The following DLGAP2 variants were observed in gnomAD, a reference collection of about 807,000 sequenced individuals.
DLGAP2 encodes DLG associated protein 2, also known as disks large-associated protein 2.
In DLGAP2, 26 loss-of-function variants were observed where a neutral mutation model predicts 100.3. The ratio of observed to expected loss-of-function variants is 0.26; its 90% CI spans 0.19 to 0.36. DLGAP2 has a LOEUF of 0.36. Among genes scored for constraint, DLGAP2 ranks in the 10% least tolerant of loss-of-function variants. The pLI is 1.00. For synonymous variants in DLGAP2, 886 were observed against 630.1 expected (o/e 1.41, Z -6.08); for missense variants, 1,858 against 1,453.2 (o/e 1.28, Z -4.53).
Position 1,378,189 on chromosome 8 carries a change from ATCCTGTGCACACCTGACCTCACCTGTGTG to A in DLGAP2, c.106+119312_106+119340del, listed in dbSNP as rs1267483116. ...TGCGCACACCTGACCTCACCTGTCC[ATCCTGTGCACACCTGACCTCACCTGTGTG>A]TCCTGCACACACCTGACCTCACCTG... On this transcript the variant is annotated intron_variant, in intron 3 of 14. Coordinates refer to ENST00000637795, the MANE Select transcript of DLGAP2 (RefSeq NM_001346810.2). The A allele has an allele frequency of 4.1e-3, 698 of 168,918 alleles. 7 individuals are homozygous for A. The highest frequency in any genetic ancestry group is 0.017 in the African/African-American group (661 of 39,768). 10.5% of individuals were successfully genotyped at this position (168,918 alleles called of 1,614,324 possible).
Position 1,668,406 on chromosome 8 carries a change from A to T in DLGAP2, c.1888A>T (p.Thr630Ser), listed in dbSNP as rs377576966. Residue 630 changes from threonine to serine, a missense_variant, in exon 9 of 15, where the codon ACG becomes TCG. Physicochemically the swap from Thr to Ser is moderately conservative, Grantham distance 58. Coordinates refer to ENST00000637795, the MANE Select transcript of DLGAP2 (RefSeq NM_001346810.2). Reference sequence around the variant, plus strand: ...CACCTCCAAGCCTCTGATCTCGGTGACGGCGCAGAGCAGCACCGAATCCAC... The same window carrying T: ...CACCTCCAAGCCTCTGATCTCGGTGTCGGCGCAGAGCAGCACCGAATCCAC... ...RTTSKPLISVTAQSSTESTQD... is the reference protein window; with the variant it reads ...RTTSKPLISVSAQSSTESTQD... 522 of 1,600,918 alleles carry T rather than the reference A, an allele frequency of 3.3e-4. 1 individual carries two copies. The highest frequency in any genetic ancestry group is 1.2e-3 in the Middle Eastern group (7 of 6,024).
At chr8:1,003,499 T>C (rs1465569379) in intron 2 of DLGAP2, among the ~76,000 whole-genome samples, 1 of 152,234 alleles carries the variant, frequency 6.6e-6, no homozygotes, top group Non-Finnish European at 1.5e-5. Flanking sequence ...TAACAATCCA[T>C]TGGTTTTGGT....
intron 6 of DLGAP2, chr8:1,620,346 C>T (rs920657355): frequency 6.6e-6 from 1 of 152,256 alleles, no homozygotes; most frequent in African/African-American, 2.4e-5. Flanking sequence ...CACTTTCCTC[C>T]TGGATTCCCT....
chr8:1,227,153 G>GATAGATAT (rs796173465), intron 2 of DLGAP2, among the ~76,000 whole-genome samples: 11 of 89,704 alleles, frequency 1.2e-4, no homozygotes, highest in East Asian at 8.7e-4. Flanking sequence ...GAAACTGTGA[G>GATAGATAT]ATATATATAT....
chr8:1,523,095 C>T (rs543145737), intron 4 of DLGAP2, among the ~76,000 whole-genome samples: 6 of 152,170 alleles, frequency 3.9e-5, no homozygotes, highest in Non-Finnish European at 8.8e-5. Context: ...ACTGCCCGTG[C>T]GGCATCTCCT....
chr8:1,039,212 G>C (rs527539061), intron 2 of DLGAP2, among the ~76,000 whole-genome samples: 1 of 150,000 alleles, frequency 6.7e-6, no homozygotes, highest in South Asian at 2.1e-4. Context: ...CTCGGTGTGC[G>C]TGGTCAGCTC....
At position 1,706,989 on chromosome 8, in the gene DLGAP2, A is replaced by G. The variant is rs908044566; in HGVS notation, c.*5583A>G. 1.3e-5 allele frequency: 2 copies of G among 152,674 alleles called. No homozygotes were observed. The highest frequency in any genetic ancestry group is 4.8e-5 in the African/African-American group (2 of 41,466). The allele number at this position is 152,674 out of a possible 1,614,324, so 9.5% of individuals were successfully genotyped here. A position where few individuals can be genotyped will look rare whatever the true frequency, so the allele number is the denominator to read the frequency against. On this transcript the variant is annotated 3_prime_UTR_variant, in exon 15 of 15. Coordinates refer to ENST00000637795, the MANE Select transcript of DLGAP2 (RefSeq NM_001346810.2). ...TGTCCTAACCCTGGCGTTTTTATCC[A>G]GTGTTAAAATAAATTATTTCAAGTT...
At chr8:1,058,466 T>G (rs1284956981) in intron 2 of DLGAP2, among the ~76,000 whole-genome samples, 1 of 152,204 alleles carries the variant, frequency 6.6e-6, no homozygotes, top group Non-Finnish European at 1.5e-5. Context: ...AAGGGTGGCT[T>G]CTAATACCTG....
intron 1 of DLGAP2, among the ~76,000 whole-genome samples, chr8:749,188 G>A (rs1269872387): frequency 6.6e-6 from 1 of 152,148 alleles, no homozygotes; most frequent in African/African-American, 2.4e-5. Context: ...CTGGGGTTTG[G>A]CTATATTGCC....
intron 3 of DLGAP2, among the ~76,000 whole-genome samples, chr8:1,479,372 C>G (rs866322948): frequency 6.6e-6 from 1 of 152,194 alleles, no homozygotes; most frequent in Non-Finnish European, 1.5e-5. Flanking sequence ...CGAAAGTGAC[C>G]TCTGTTTGTT....
At chr8:1,144,575 C>T (rs1052354827) in intron 2 of DLGAP2, among the ~76,000 whole-genome samples, 2 of 152,334 alleles carry the variant, frequency 1.3e-5, no homozygotes, top group Admixed American at 6.5e-5. Flanking sequence ...AGGAAATAAA[C>T]GCTCTTTCCA....
intron 2 of DLGAP2, among the ~76,000 whole-genome samples, chr8:966,232 C>T (rs11994406): frequency 0.016 from 2,503 of 152,258 alleles, 76 homozygotes; most frequent in African/African-American, 0.058. Flanking sequence ...TTCCAGGCAG[C>T]GTTTTCCCAG....
intron 2 of DLGAP2, among the ~76,000 whole-genome samples, chr8:1,118,676 C>G (rs1169298870): frequency 6.6e-6 from 1 of 152,134 alleles, no homozygotes; most frequent in African/African-American, 2.4e-5. Flanking sequence ...TTAGAGCAAC[C>G]TTCAAGATCA....
intron 2 of DLGAP2, among the ~76,000 whole-genome samples, chr8:1,048,545 C>T (rs752671420): frequency 2.0e-5 from 3 of 151,636 alleles, no homozygotes; most frequent in Non-Finnish European, 4.4e-5. Context: ...GACAATGTCC[C>T]GTCTCTTCTG....
At chr8:1,089,113 C>G (rs1486408976) in intron 2 of DLGAP2, among the ~76,000 whole-genome samples, 1 of 147,892 alleles carries the variant, frequency 6.8e-6, no homozygotes. Context: ...GCTCCCCGGC[C>G]TCACTCTCTC....
chr8:1,250,094 T>C (rs941275774), intron 2 of DLGAP2, among the ~76,000 whole-genome samples: 3 of 152,204 alleles, frequency 2.0e-5, no homozygotes. Context: ...TTGGTCAGGC[T>C]GGTCTCGATC....
At chr8:1,350,834 G>A (rs1380073859) in intron 3 of DLGAP2, among the ~76,000 whole-genome samples, 2 of 53,346 alleles carry the variant, frequency 3.7e-5, no homozygotes, top group Non-Finnish European at 7.4e-5. Context: ...CTGAGTGTGC[G>A]TGGAAAGGCC....
chr8:1,691,855 A>T (rs1204238367), intron 13 of DLGAP2, among the ~76,000 whole-genome samples: 1 of 136,696 alleles, frequency 7.3e-6, no homozygotes, highest in African/African-American at 2.8e-5. Context: ...TAAACGCGGT[A>T]CCGAGGCAGG....
At chr8:746,701 A>G (rs1820625916) in intron 1 of DLGAP2, among the ~76,000 whole-genome samples, 3 of 152,254 alleles carry the variant, frequency 2.0e-5, no homozygotes, top group Non-Finnish European at 2.9e-5. Context: ...CTGTATCAGC[A>G]TACTTTTGGC....
Sources: allele counts gnomAD v4.1 joint callset (sites outside exome capture counted in the v4.1 genomes callset), GRCh38; gene constraint gnomAD v4.1.1; transcripts MANE v1.5; gene names NCBI Gene and HGNC (gene_info 2026-07-23, HGNC 2026-07-21).